Variants in FNBP1L observed in about 807,000 individuals in gnomAD.
FNBP1L encodes formin-binding protein 1-like.
A neutral mutation model predicts 91.2 loss-of-function variants in FNBP1L; 36 were observed. The ratio of observed to expected loss-of-function variants is 0.39; its 90% CI spans 0.30 to 0.52. FNBP1L has a LOEUF of 0.52. FNBP1L is among the 20% of genes least tolerant of loss of function. The probability of loss-of-function intolerance (pLI) is 0.66; values close to 1 mark genes in which losing one functional copy is unlikely to be tolerated. For synonymous variants in FNBP1L, 242 were observed against 237.0 expected (o/e 1.02, Z -0.19); for missense variants, 571 against 732.1 (o/e 0.78, Z 2.54).
At chr1:93,534,569 A>G in intron 8 of FNBP1L, 136 bp from the exon 9 acceptor site, 1 of 551,684 alleles carries the variant, frequency 1.8e-6, no homozygotes. Context: ...GGAATAAATT[A>G]TTTACCTTAA....
At chr1:93,540,178 A>G (rs537974591) in intron 10 of FNBP1L, among the ~76,000 whole-genome samples, 1 of 152,224 alleles carries the variant, frequency 6.6e-6, no homozygotes, top group South Asian at 2.1e-4. Context: ...CCATATACAT[A>G]TCTATATCTG....
intron 2 of FNBP1L, 78 bp from the exon 3 acceptor site, chr1:93,522,004 A>C (rs1459388587): frequency 1.2e-6 from 1 of 851,106 alleles, no homozygotes. Context: ...TGATTGAATG[A>C]AATTGAAAAC....
Position 93,448,252 on chromosome 1 carries a change from G to T in FNBP1L, c.-30G>T, listed in dbSNP as rs150222084. ...TGGAGCCGACAGACTGAAGGACAGC[G>T]GCACCGCCAGACGGCCAGAAAGTTC... On this transcript the variant is annotated 5_prime_UTR_variant, in exon 1 of 17. Coordinates refer to ENST00000271234, the MANE Select transcript of FNBP1L (RefSeq NM_001164473.3). The T allele has an allele frequency of 1.1e-3, 1,651 of 1,520,528 alleles. 31 individuals carry two copies. In the East Asian group the frequency reaches 0.04, roughly 37 times the overall value. 94.2% of individuals were successfully genotyped at this position (1,520,528 alleles called of 1,614,324 possible).
At chr1:93,476,614 C>T (rs1338277245) in intron 1 of FNBP1L, among the ~76,000 whole-genome samples, 1 of 152,056 alleles carries the variant, frequency 6.6e-6, no homozygotes, top group Non-Finnish European at 1.5e-5. Context: ...ACATAACCCA[C>T]CACTAAGTTC....
At chr1:93,457,763 T>C (rs757054649) in intron 1 of FNBP1L, among the ~76,000 whole-genome samples, 2 of 150,184 alleles carry the variant, frequency 1.3e-5, no homozygotes, top group African/African-American at 4.9e-5. Context: ...TTTTATTTTA[T>C]TTATTTTTTA....
At chr1:93,449,809 CT>C (rs1668425056) in intron 1 of FNBP1L, among the ~76,000 whole-genome samples, 2 of 152,226 alleles carry the variant, frequency 1.3e-5, no homozygotes, top group Admixed American at 6.5e-5. Flanking sequence ...CATTATTGGC[CT>C]TTTTCCCTTA....
chr1:93,552,140 A>G, intron 16 of FNBP1L: 1 of 1,200,868 alleles, frequency 8.3e-7, no homozygotes, highest in Middle Eastern at 3.3e-4. Context: ...TAGTTTCAGC[A>G]AGCGTTGTTG....
At chr1:93,549,683 C>T (rs765151060) in intron 15 of FNBP1L, among the ~76,000 whole-genome samples, 4 of 152,196 alleles carry the variant, frequency 2.6e-5, no homozygotes, top group Admixed American at 6.5e-5. Flanking sequence ...CAATTTTGGT[C>T]AGTGCAGAAT....
At chr1:93,469,488 T>C (rs371482554) in intron 1 of FNBP1L, among the ~76,000 whole-genome samples, 9 of 152,316 alleles carry the variant, frequency 5.9e-5, no homozygotes, top group East Asian at 5.8e-4. Flanking sequence ...AGTCTATTAT[T>C]GATGGACATT....
chr1:93,550,907 T>A (rs1672390790), intron 15 of FNBP1L, 40 bp from the exon 16 acceptor site: 1 of 1,476,764 alleles, frequency 6.8e-7, no homozygotes, highest in Non-Finnish European at 9.0e-7. Flanking sequence ...AAAAAAATTA[T>A]CACAATGCTT....
At chr1:93,543,518 A>G (rs1040106942) in intron 11 of FNBP1L, among the ~76,000 whole-genome samples, 18 of 152,188 alleles carry the variant, frequency 1.2e-4, no homozygotes, top group Non-Finnish European at 7.4e-5. Context: ...TTGGTTTTTA[A>G]TGACCAGGTA....
chr1:93,450,876 A>AG (rs1668470724), intron 1 of FNBP1L, among the ~76,000 whole-genome samples: 1 of 152,156 alleles, frequency 6.6e-6, no homozygotes, highest in Non-Finnish European at 1.5e-5. Context: ...GTTAAATTTG[A>AG]GAAAAAAAGG....
intron 2 of FNBP1L, among the ~76,000 whole-genome samples, chr1:93,500,227 A>G (rs1476888012): frequency 1.3e-5 from 2 of 152,216 alleles, no homozygotes; most frequent in Admixed American, 1.3e-4. Flanking sequence ...TGAAGTGACA[A>G]AAAATCCAAC....
Position 93,536,389 on chromosome 1 carries a change from T to C in FNBP1L, c.1048T>C (p.Ser350Pro), listed in dbSNP as rs1671851993. ...ATTCACATCCAGTACTCCTAATGGGTCCCAGTTTCTCACATTCTCCATTGA... is the reference window on the plus strand; with the variant it reads ...ATTCACATCCAGTACTCCTAATGGGCCCCAGTTTCTCACATTCTCCATTGA... Reference protein sequence around the residue: ...SLFTSSTPNGSQFLTFSIEPV... With the variant: ...SLFTSSTPNGPQFLTFSIEPV... The change falls in exon 10 of 17, where the codon TCC becomes CCC. Residue 350 changes from serine (S) to proline (P), a missense_variant. Physicochemically the swap from Ser to Pro is moderately conservative, Grantham distance 74 (BLOSUM62 -1). Coordinates refer to ENST00000271234, the MANE Select transcript of FNBP1L (RefSeq NM_001164473.3). The C allele has an allele frequency of 6.4e-7, 1 of 1,550,854 alleles. No individual in the cohort carries two copies. The highest frequency in any genetic ancestry group is 2.4e-5 in the East Asian group (1 of 40,866).
At chr1:93,464,326 C>G (rs1669002203) in intron 1 of FNBP1L, among the ~76,000 whole-genome samples, 1 of 152,150 alleles carries the variant, frequency 6.6e-6, no homozygotes, top group South Asian at 2.1e-4. Context: ...ACAATTTTCT[C>G]TAATTTATGC....
intron 2 of FNBP1L, 21 bp from the exon 3 acceptor site, chr1:93,522,061 T>C (rs750996257): frequency 1.2e-5 from 17 of 1,458,936 alleles, no homozygotes; most frequent in Admixed American, 2.5e-5. Flanking sequence ...TAATAAACTT[T>C]AAAAAATCTT....
intron 1 of FNBP1L, among the ~76,000 whole-genome samples, chr1:93,473,586 A>G (rs1451584345): frequency 6.6e-6 from 1 of 152,182 alleles, no homozygotes; most frequent in East Asian, 1.9e-4. Flanking sequence ...CACTGTGCCT[A>G]GTTCTGGGTA....
At chr1:93,524,533 A>G (rs576138158) in intron 5 of FNBP1L, among the ~76,000 whole-genome samples, 51 of 148,804 alleles carry the variant, frequency 3.4e-4, no homozygotes, top group African/African-American at 1.1e-3. Context: ...ATAACTCTAT[A>G]CTTAAGAACT....
intron 2 of FNBP1L, among the ~76,000 whole-genome samples, chr1:93,515,399 G>T (rs1451462942): frequency 4.6e-5 from 7 of 151,642 alleles, no homozygotes. Context: ...ATTTGACCCA[G>T]CCATCCCATT....
Sources: allele counts gnomAD v4.1 joint callset (sites outside exome capture counted in the v4.1 genomes callset), GRCh38; gene constraint gnomAD v4.1.1; transcripts MANE v1.5; gene names NCBI Gene and HGNC (gene_info 2026-07-23, HGNC 2026-07-21).